The following LARS2 variants were observed in gnomAD, a reference collection of about 807,000 sequenced individuals.
LARS2 encodes the protein leucine--tRNA ligase, mitochondrial.
A neutral mutation model predicts 116.6 loss-of-function variants in LARS2; 81 were observed. The observed-to-expected ratio is 0.69, with a 90% CI of 0.58 to 0.84. The LOEUF (loss-of-function observed/expected upper bound fraction) is 0.84. LARS2 is among the 40% of genes least tolerant of loss of function. The pLI, the probability that LARS2 is intolerant of heterozygous loss-of-function variation, is 0.00. For synonymous variants in LARS2, 396 were observed against 407.2 expected (o/e 0.97, Z 0.33); for missense variants, 968 against 1,114.5 (o/e 0.87, Z 1.87).
chr3:45,529,453 G>A (rs1031703863), intron 20 of LARS2, among the ~76,000 whole-genome samples: 2 of 151,568 alleles, frequency 1.3e-5, no homozygotes, highest in Non-Finnish European at 2.9e-5. Flanking sequence ...GGAGGCTGAG[G>A]CAGGAGAATC....
intron 4 of LARS2, among the ~76,000 whole-genome samples, chr3:45,411,983 C>T (rs745603267): frequency 1.3e-5 from 2 of 152,156 alleles, no homozygotes; most frequent in Non-Finnish European, 2.9e-5. Context: ...GGATATTGGC[C>T]TCCAGCTCCA....
At chr3:45,454,134 G>T (rs1699178604) in intron 7 of LARS2, among the ~76,000 whole-genome samples, 1 of 152,212 alleles carries the variant, frequency 6.6e-6, no homozygotes, top group African/African-American at 2.4e-5. Context: ...AAGCACCACA[G>T]CTGCTGTGTC....
intron 8 of LARS2, among the ~76,000 whole-genome samples, chr3:45,464,526 AG>A (rs1456830304): frequency 6.6e-6 from 1 of 152,196 alleles, no homozygotes; most frequent in African/African-American, 2.4e-5. Context: ...GTGCCTCTCC[AG>A]TCACATCGTC....
At chr3:45,540,453 C>A (rs1700774043) in intron 20 of LARS2, among the ~76,000 whole-genome samples, 1 of 152,176 alleles carries the variant, frequency 6.6e-6, no homozygotes. Context: ...ACAAACTCAG[C>A]TTCAGCCCAT....
intron 20 of LARS2, among the ~76,000 whole-genome samples, chr3:45,536,078 G>A (rs181305051): frequency 3.3e-4 from 50 of 152,192 alleles, no homozygotes; most frequent in African/African-American, 1.2e-3. Context: ...GAGGAAGGAA[G>A]GGAGGAAGGA....
At chr3:45,408,618 C>G (rs1698273277) in intron 4 of LARS2, among the ~76,000 whole-genome samples, 1 of 152,228 alleles carries the variant, frequency 6.6e-6, no homozygotes, top group Non-Finnish European at 1.5e-5. Context: ...CTCTCTCTCT[C>G]TCTGCCCTGG....
At chr3:45,420,356 G>A (rs936551950) in intron 6 of LARS2, among the ~76,000 whole-genome samples, 2 of 152,162 alleles carry the variant, frequency 1.3e-5, no homozygotes, top group Non-Finnish European at 2.9e-5. Context: ...TTGAAGAATA[G>A]TCTGTTAGGT....
chr3:45,446,320 G>A (rs969405614), intron 6 of LARS2, among the ~76,000 whole-genome samples: 12 of 152,148 alleles, frequency 7.9e-5, no homozygotes, highest in African/African-American at 2.9e-4. Context: ...AAACCAAGTG[G>A]TTTCTTACTA....
intron 6 of LARS2, among the ~76,000 whole-genome samples, chr3:45,424,713 C>T (rs1454614022): frequency 2.6e-5 from 4 of 152,148 alleles, no homozygotes; most frequent in African/African-American, 9.7e-5. Flanking sequence ...TTCCATTTTT[C>T]GTCAGAGTGT....
chr3:45,426,192 C>T (rs117809628), intron 6 of LARS2, among the ~76,000 whole-genome samples: 2,224 of 152,238 alleles, frequency 0.015, 22 homozygotes, highest in Non-Finnish European at 0.021. Flanking sequence ...GAACTAATAA[C>T]GAAGCCTCCG....
chr3:45,444,254 C>G (rs1698973916), intron 6 of LARS2, among the ~76,000 whole-genome samples: 1 of 148,034 alleles, frequency 6.8e-6, no homozygotes, highest in African/African-American at 2.5e-5. Context: ...ACCTTGTGAT[C>G]CCCCCGCCTC....
intron 4 of LARS2, among the ~76,000 whole-genome samples, chr3:45,411,438 T>C (rs1407346144): frequency 1.3e-5 from 2 of 152,254 alleles, no homozygotes; most frequent in Non-Finnish European, 2.9e-5. Context: ...AGCCATTTAC[T>C]CAAGGTAAGG....
intron 3 of LARS2, among the ~76,000 whole-genome samples, chr3:45,399,731 C>T (rs1368406500): frequency 6.6e-6 from 1 of 151,534 alleles, no homozygotes; most frequent in Non-Finnish European, 1.5e-5. Flanking sequence ...TTTTGGTGCA[C>T]CCCTCACCCG....
intron 6 of LARS2, among the ~76,000 whole-genome samples, chr3:45,437,943 A>G (rs1698833626): frequency 6.6e-6 from 1 of 152,144 alleles, no homozygotes; most frequent in Admixed American, 6.5e-5. Context: ...AAAATAATGT[A>G]GTGTATTAGG....
intron 11 of LARS2, among the ~76,000 whole-genome samples, chr3:45,487,034 A>G (rs1266172866): frequency 6.6e-6 from 1 of 152,208 alleles, no homozygotes; most frequent in Non-Finnish European, 1.5e-5. Context: ...GCAGAAATAA[A>G]CAGGAGATAA....
At chr3:45,478,051 C>T (rs536956986) in intron 10 of LARS2, among the ~76,000 whole-genome samples, 63 of 152,262 alleles carry the variant, frequency 4.1e-4, no homozygotes, top group African/African-American at 1.2e-3. Flanking sequence ...ATATGCCACT[C>T]GCCCCACACA....
chr3:45,537,267 C>T (rs978028761), intron 20 of LARS2, among the ~76,000 whole-genome samples: 4 of 152,140 alleles, frequency 2.6e-5, no homozygotes, highest in African/African-American at 9.7e-5. Flanking sequence ...AGAGCCTTTA[C>T]GTCCCTTAGG....
chr3:45,540,145 G>A (rs1412337919), intron 20 of LARS2, among the ~76,000 whole-genome samples: 1 of 152,030 alleles, frequency 6.6e-6, no homozygotes, highest in East Asian at 1.9e-4. Flanking sequence ...TGTAACCCCA[G>A]CTACTCAGGA....
intron 8 of LARS2, among the ~76,000 whole-genome samples, chr3:45,468,992 C>T (rs911714818): frequency 6.6e-6 from 1 of 152,182 alleles, no homozygotes; most frequent in Non-Finnish European, 1.5e-5. Flanking sequence ...CTGGGCTGTG[C>T]ACTTGTATGT....
Sources: gnomAD v4.1 joint callset for allele counts (sites outside exome capture counted in the v4.1 genomes callset) on GRCh38, gnomAD v4.1.1 for gene constraint, MANE v1.5 for transcripts, NCBI Gene and HGNC (gene_info 2026-07-23, HGNC 2026-07-21) for gene names.